PLA2R1: variants seen among roughly 807,000 people sequenced by gnomAD.
The protein encoded by PLA2R1 is phospholipase A2 receptor 1.
Under a neutral mutation model 195.9 loss-of-function variants are expected in PLA2R1, and 158 were observed. The ratio of observed to expected loss-of-function variants is 0.81; its 90% CI spans 0.71 to 0.92. The LOEUF (loss-of-function observed/expected upper bound fraction) is 0.92, where lower values mean the gene tolerates loss of function less well. Ranked by LOEUF, PLA2R1 falls within the 40% of genes least tolerant of loss-of-function variation. The probability of loss-of-function intolerance (pLI) is 0.00; values close to 1 mark genes in which losing one functional copy is unlikely to be tolerated. For missense variants in PLA2R1, 1,626 were observed against 1,764.6 expected (o/e 0.92, Z 1.41); for synonymous variants, 586 against 598.2 (o/e 0.98, Z 0.30).
chr2:160,044,912 T>A lies in PLA2R1; in HGVS notation c.355A>T (p.Arg119Trp), dbSNP rs772681102. The A allele has an allele frequency of 6.8e-6, 11 of 1,614,140 alleles. No individual in the cohort carries two copies. The East Asian group carries it at 1.1e-4, about 16-fold the overall frequency. The change falls in exon 2 of 30, where the codon AGG becomes TGG. Residue 119 changes from arginine (R) to tryptophan (W), a missense_variant. Coordinates refer to ENST00000283243, the MANE Select transcript of PLA2R1 (RefSeq NM_007366.5). Reference sequence around the variant, plus strand: ...TGCAGCGGGCCTGTGATCATCTTCCTGTTACAGCGCCACCGTAAGGAAACG... The same window carrying A: ...TGCAGCGGGCCTGTGATCATCTTCCAGTTACAGCGCCACCGTAAGGAAACG... ...TLVSLRWRCN[R>W]KMITGPLQYS...
chr2:159,958,675 T>C (rs1352606000), intron 20 of PLA2R1, among the ~76,000 whole-genome samples: 1 of 152,198 alleles, frequency 6.6e-6, no homozygotes, highest in Non-Finnish European at 1.5e-5. Context: ...TCAGTCATTC[T>C]AAATTTAGCT....
chr2:160,040,283 A>G (rs1694444852), intron 3 of PLA2R1, among the ~76,000 whole-genome samples: 1 of 151,788 alleles, frequency 6.6e-6, no homozygotes, highest in South Asian at 2.1e-4. Context: ...CCCACTACCC[A>G]GGCTTCCCTG....
chr2:160,022,873 C>A lies in PLA2R1; in HGVS notation c.1100-14G>T. On this transcript the variant is annotated splice_polypyrimidine_tract_variant and intron_variant, in intron 6 of 29. Transcript: ENST00000283243. ...ACGCATCTTTTTCTTTTTAAACCAA[C>A]AAAAAACAATGTCATTTTCCACAAT... is the stretch of plus-strand genomic sequence containing the variant. The A allele has an allele frequency of 2.6e-6, 4 of 1,533,402 alleles. No homozygotes were observed. The highest frequency in any genetic ancestry group is 1.4e-5 in the African/African-American group (1 of 72,136). 95.0% of individuals were successfully genotyped at this position (1,533,402 alleles called of 1,614,324 possible).
At chr2:160,047,609 T>G (rs1694953063) in intron 1 of PLA2R1, among the ~76,000 whole-genome samples, 1 of 152,220 alleles carries the variant, frequency 6.6e-6, no homozygotes, top group African/African-American at 2.4e-5. Flanking sequence ...ACAAAATATT[T>G]GCCTCCTTTG....
rs905342405 is a variant in PLA2R1, at chr2:160,052,704, C to T, written c.110-7547G>A. ...ACTGTTAAGATGCCCTCACAAATGC[C>T]TGCATATTAAAGCCCAGGGGGAAAT... On this transcript the variant is annotated intron_variant, in intron 1 of 29. Transcript: ENST00000283243. Among the ~76,000 whole-genome samples, 38 of 152,066 alleles carry T rather than the reference C, an allele frequency of 2.5e-4. 1 individual carries two copies. Among genetic ancestry groups the T allele is most frequent in the Non-Finnish European group, 2.9e-5 (2 of 68,024 alleles).
intron 28 of PLA2R1, among the ~76,000 whole-genome samples, chr2:159,944,405 T>C (rs1223108709): frequency 4.6e-5 from 7 of 152,162 alleles, no homozygotes; most frequent in Admixed American, 4.6e-4. Context: ...CTAAAATTAT[T>C]GTTTTTTTTA....
chr2:160,038,589 T>TAAAGGTGAG (rs1694316960), intron 3 of PLA2R1, among the ~76,000 whole-genome samples: 1 of 152,078 alleles, frequency 6.6e-6, no homozygotes, highest in African/African-American at 2.4e-5. Context: ...CAGGTAGGCT[T>TAAAGGTGAG]AAAGGTGAGA....
rs35005192 is a variant in PLA2R1 at position 160,044,892 on chromosome 2, C to T, written c.375G>A (p.Pro125=). ...WRCNRKMITG[P]LQYSVQVAHD... ...GCGCCACCTGGACAGAGTACTGCAG[C>T]GGGCCTGTGATCATCTTCCTGTTAC... Residue 125 remains proline, a synonymous_variant, in exon 2 of 30, where the codon CCG becomes CCA. Coordinates refer to ENST00000283243, the MANE Select transcript of PLA2R1 (RefSeq NM_007366.5). The T allele has an allele frequency of 7.9e-4, 1,273 of 1,614,118 alleles. 6 individuals are homozygous for T. In the African/African-American group the frequency reaches 0.015, roughly 19 times the overall value.
intron 20 of PLA2R1, among the ~76,000 whole-genome samples, chr2:159,963,701 G>T (rs562494985): frequency 6.6e-6 from 1 of 152,124 alleles, no homozygotes; most frequent in Non-Finnish European, 1.5e-5. Flanking sequence ...AACACCTAAC[G>T]TGTTCTAGGA....
chr2:160,027,496 T>C (rs943683553), intron 6 of PLA2R1, among the ~76,000 whole-genome samples: 2 of 152,236 alleles, frequency 1.3e-5, no homozygotes, highest in Non-Finnish European at 2.9e-5. Flanking sequence ...TAGGCTTAGC[T>C]ATTTAAAGGA....
chr2:159,974,504 G>A (rs1317919810), intron 17 of PLA2R1, among the ~76,000 whole-genome samples: 1 of 152,154 alleles, frequency 6.6e-6, no homozygotes, highest in Non-Finnish European at 1.5e-5. Flanking sequence ...TACTTTGCAT[G>A]CGTATGGATT....
At chr2:160,004,511 C>CT (rs1190686715) in intron 11 of PLA2R1, among the ~76,000 whole-genome samples, 2 of 152,162 alleles carry the variant, frequency 1.3e-5, no homozygotes, top group African/African-American at 4.8e-5. Flanking sequence ...TTAGCAAACA[C>CT]TTTCCTTACC....
intron 3 of PLA2R1, among the ~76,000 whole-genome samples, chr2:160,038,571 C>T (rs1028321319): frequency 6.6e-6 from 1 of 152,104 alleles, no homozygotes; most frequent in African/African-American, 2.4e-5. Context: ...TAAAGATGGG[C>T]ACAGATGCAG....
intron 10 of PLA2R1, among the ~76,000 whole-genome samples, chr2:160,008,543 G>A (rs1692150024): frequency 6.6e-6 from 1 of 152,082 alleles, no homozygotes; most frequent in Non-Finnish European, 1.5e-5. Flanking sequence ...GCACAAAAAT[G>A]AACTCAAAGT....
intron 10 of PLA2R1, among the ~76,000 whole-genome samples, chr2:160,012,336 C>T (rs1296177854): frequency 6.6e-6 from 1 of 152,142 alleles, no homozygotes; most frequent in Non-Finnish European, 1.5e-5. Flanking sequence ...CCACTGTCCT[C>T]CTGGCATCGA....
chr2:159,993,243 C>A (rs780350100), intron 11 of PLA2R1, among the ~76,000 whole-genome samples: 1 of 151,978 alleles, frequency 6.6e-6, no homozygotes, highest in Non-Finnish European at 1.5e-5. Flanking sequence ...TTTCCTGTTT[C>A]ACCTGAATAT....
intron 13 of PLA2R1, 124 bp from the exon 14 acceptor site, chr2:159,980,038 G>A (rs1170008287): frequency 5.3e-5 from 24 of 456,816 alleles, no homozygotes. Flanking sequence ...TTGTGCACAT[G>A]TACCCTAAAA....
Position 159,970,951 on chromosome 2 carries a change from G to A in PLA2R1, c.2596-739C>T, listed in dbSNP as rs1422736355. ...GGAACATCACACACTGGGGCCTGTC[G>A]GGGGGTGGGGGGCTGGGGGAGGGAT... On this transcript the variant is annotated intron_variant, in intron 17 of 29. Coordinates refer to ENST00000283243, the MANE Select transcript of PLA2R1 (RefSeq NM_007366.5). Among the ~76,000 whole-genome samples the A allele has an allele frequency of 5.9e-5, 9 of 151,402 alleles. 1 individual carries two copies. The highest frequency in any genetic ancestry group is 2.6e-4 in the Admixed American group (4 of 15,170).
rs537675291 is a variant in PLA2R1 at position 160,062,354 on chromosome 2, C to T, written c.50G>A (p.Arg17Gln). The T allele has an allele frequency of 1.3e-6, 2 of 1,536,984 alleles. No homozygotes were observed. The highest frequency in any genetic ancestry group is 2.4e-5 in the South Asian group (2 of 83,378). Residue 17 changes from arginine to glutamine, a missense_variant, in exon 1 of 30, where the codon CGG becomes CAG. Arg to Gln is a conservative substitution (Grantham distance 43). Coordinates refer to ENST00000283243, the MANE Select transcript of PLA2R1 (RefSeq NM_007366.5). ...LLLLLLLGAP[R>Q]GCAEGVAAAL... ...CGCCGCCACACCCTCGGCGCAGCCC[C>T]GCGGCGCCCCCAGCAGCAGCAGCAG...
Sources: gnomAD v4.1 joint callset for allele counts (sites outside exome capture counted in the v4.1 genomes callset) on GRCh38, gnomAD v4.1.1 for gene constraint, MANE v1.5 for transcripts, NCBI Gene and HGNC (gene_info 2026-07-23, HGNC 2026-07-21) for gene names.